Variants in SUMF1 observed in about 807,000 individuals in gnomAD.
SUMF1 encodes the protein formylglycine-generating enzyme.
A neutral mutation model predicts 47.6 loss-of-function variants in SUMF1; 48 were observed. That is an observed-to-expected ratio of 1.01 (90% confidence interval 0.80 to 1.28). The LOEUF (loss-of-function observed/expected upper bound fraction) is 1.28. Ranked by LOEUF, SUMF1 falls within the 50% of genes most tolerant of loss-of-function variation. The pLI is 0.00. For synonymous variants in SUMF1, 230 were observed against 192.1 expected (o/e 1.20, Z -1.63); for missense variants, 571 against 485.4 (o/e 1.18, Z -1.66).
intron 8 of SUMF1, among the ~76,000 whole-genome samples, chr3:4,091,096 C>CA (rs796472100): frequency 0.042 from 5,770 of 136,932 alleles, 273 homozygotes; most frequent in African/African-American, 0.12. Flanking sequence ...ACAACAACAA[C>CA]AAAAAAAAAA....
intron 8 of SUMF1, among the ~76,000 whole-genome samples, chr3:4,218,689 G>A (rs1695995266): frequency 6.6e-6 from 1 of 152,166 alleles, no homozygotes; most frequent in African/African-American, 2.4e-5. Context: ...TCAGTTTATA[G>A]ACAAACCAGA....
chr3:4,278,924 A>T (rs1697473641), intron 8 of SUMF1, among the ~76,000 whole-genome samples: 1 of 152,144 alleles, frequency 6.6e-6, no homozygotes, highest in Admixed American at 6.6e-5. Context: ...GATTGAGGAT[A>T]CCAGAGTACC....
intron 8 of SUMF1, among the ~76,000 whole-genome samples, chr3:4,230,414 A>C (rs188439992): frequency 3.3e-5 from 5 of 152,238 alleles, no homozygotes; most frequent in Admixed American, 3.3e-4. Context: ...TGTTTTGATA[A>C]TTTGGTAAAA....
rs531408402 is a variant in SUMF1, at chr3:4,390,109, G to A, written c.955-13720C>T. Among the ~76,000 whole-genome samples, 3 of 152,302 alleles carry A rather than the reference G, an allele frequency of 2.0e-5. No homozygotes were observed. The East Asian group carries it at 5.8e-4, about 29-fold the overall frequency. On this transcript the variant is annotated intron_variant, in intron 7 of 8. Transcript: ENST00000272902. ...CACCCTGTTTTAGCTGTCTTTCTCT[G>A]ATACCACCCTGGCAGGGGAAGAGAG...
intron 3 of SUMF1, among the ~76,000 whole-genome samples, chr3:4,444,463 C>T (rs572525053): frequency 1.3e-5 from 2 of 152,122 alleles, no homozygotes; most frequent in Admixed American, 6.5e-5. Context: ...TTCAATAATA[C>T]AGAAATAGTA....
chr3:4,105,131 A>T (rs1427668057), intron 8 of SUMF1, among the ~76,000 whole-genome samples: 1 of 152,172 alleles, frequency 6.6e-6, no homozygotes, highest in Non-Finnish European at 1.5e-5. Flanking sequence ...AGCCAAGGAC[A>T]GAAAGGCAAA....
chr3:4,053,628 T>TA (rs1401206149), intron 9 of SUMF1, among the ~76,000 whole-genome samples: 2 of 152,100 alleles, frequency 1.3e-5, no homozygotes, highest in African/African-American at 2.4e-5. Flanking sequence ...TTTCTCCCCC[T>TA]AAAGAACCTC....
chr3:4,149,518 G>A (rs1429524816), intron 8 of SUMF1, among the ~76,000 whole-genome samples: 2 of 152,062 alleles, frequency 1.3e-5, no homozygotes, highest in African/African-American at 4.8e-5. Context: ...CACCATAATA[G>A]GAAGCTAATG....
At chr3:4,434,075 G>A (rs910808245) in intron 3 of SUMF1, among the ~76,000 whole-genome samples, 2 of 152,228 alleles carry the variant, frequency 1.3e-5, no homozygotes, top group Non-Finnish European at 2.9e-5. Context: ...GAGGTACTTA[G>A]AATAGGAGAA....
chr3:4,114,672 A>C (rs1341225863), intron 8 of SUMF1, among the ~76,000 whole-genome samples: 1 of 152,122 alleles, frequency 6.6e-6, no homozygotes, highest in Non-Finnish European at 1.5e-5. Context: ...GGAGAGGCTA[A>C]ACTGGAGGTG....
rs560000589 is a variant in SUMF1, at chr3:4,092,723, G to A, written c.1015-23978C>T. Among the ~76,000 whole-genome samples the A allele has an allele frequency of 3.3e-5, 5 of 152,084 alleles. No homozygotes were observed. The South Asian group carries it at 1.0e-3, about 32-fold the overall frequency. Reference sequence around the variant, plus strand: ...ACTGTAGTGTGTGTGTATATCGGGGGTGGAGTAGTGTGTCATTTAGAACAC... The same window carrying A: ...ACTGTAGTGTGTGTGTATATCGGGGATGGAGTAGTGTGTCATTTAGAACAC... On this transcript the variant is annotated intron_variant and NMD_transcript_variant, in intron 8 of 12. Coordinates refer to the SUMF1 transcript ENST00000448413.
intron 8 of SUMF1, chr3:4,316,486 TTGC>T (rs773807686): frequency 1.9e-6 from 3 of 1,602,556 alleles, no homozygotes; most frequent in Non-Finnish European, 2.6e-6. Context: ...ACACGAGAAG[TTGC>T]TGAAGAACTC....
At chr3:4,043,971 A>AGGC (rs11275271) in intron 9 of SUMF1, among the ~76,000 whole-genome samples, 150,022 of 152,134 alleles carry the variant, frequency 0.99, 73,996 homozygotes, top group Middle Eastern at 1. Context: ...CTAGGCACAT[A>AGGC]TTCCAAGGCT....
intron 3 of SUMF1, among the ~76,000 whole-genome samples, chr3:4,443,910 T>C (rs1222822114): frequency 6.6e-6 from 1 of 151,528 alleles, no homozygotes; most frequent in Non-Finnish European, 1.5e-5. Context: ...TAGTAAAAAG[T>C]ATAACAGAAA....
At chr3:4,102,334 C>G (rs1038554290) in intron 8 of SUMF1, among the ~76,000 whole-genome samples, 1 of 152,110 alleles carries the variant, frequency 6.6e-6, no homozygotes, top group Non-Finnish European at 1.5e-5. Flanking sequence ...CTGTGACAAA[C>G]AGGTTAGTGC....
chr3:4,112,217 T>C (rs542726244), intron 8 of SUMF1, among the ~76,000 whole-genome samples: 5 of 152,154 alleles, frequency 3.3e-5, no homozygotes, highest in Non-Finnish European at 4.4e-5. Flanking sequence ...AGGATACTTA[T>C]AAATGAAACT....
intron 8 of SUMF1, among the ~76,000 whole-genome samples, chr3:4,188,077 G>T (rs977211164): frequency 6.6e-6 from 1 of 151,896 alleles, no homozygotes; most frequent in East Asian, 1.9e-4. Context: ...TTAGCTTCCC[G>T]CATTATCAAC....
chr3:4,107,627 C>A (rs748336741), intron 8 of SUMF1, among the ~76,000 whole-genome samples: 2 of 152,002 alleles, frequency 1.3e-5, no homozygotes, highest in African/African-American at 2.4e-5. Context: ...GCCATTCAGC[C>A]CTCTAGTGGA....
intron 8 of SUMF1, among the ~76,000 whole-genome samples, chr3:4,109,972 C>T (rs1446524754): frequency 6.6e-6 from 1 of 152,146 alleles, no homozygotes; most frequent in Non-Finnish European, 1.5e-5. Context: ...TGGTGAGGAG[C>T]TGCGTTCCTT....
Sources: allele counts gnomAD v4.1 joint callset (sites outside exome capture counted in the v4.1 genomes callset), GRCh38; gene constraint gnomAD v4.1.1; transcripts MANE v1.5; gene names NCBI Gene and HGNC (gene_info 2026-07-23, HGNC 2026-07-21).